The following SSR1 variants were observed in gnomAD, a reference collection of about 807,000 sequenced individuals.
The protein encoded by SSR1 is signal sequence receptor subunit 1, also known as translocon-associated protein subunit alpha.
In SSR1, 13 loss-of-function variants were observed where a neutral mutation model predicts 36.1. The observed-to-expected ratio is 0.36, with a 90% CI of 0.23 to 0.57. The LOEUF is 0.57. Among genes scored for constraint, SSR1 ranks in the 20% least tolerant of loss-of-function variants. SSR1 has a pLI of 0.81. For synonymous variants in SSR1, 113 were observed against 118.9 expected (o/e 0.95, Z 0.32); for missense variants, 291 against 338.5 (o/e 0.86, Z 1.10).
At position 7,313,196 on chromosome 6, in the gene SSR1, A is replaced by C; in HGVS notation, c.-76T>G. ...TCCGGCGGTAATGGCGTTACTCTTC[A>C]TCCGGGCTCCGGGCAGCGAGGGGCG... On this transcript the variant is annotated 5_prime_UTR_variant, in exon 1 of 8. An upstream start codon of the reference 5' UTR is lost. Coordinates refer to ENST00000244763, the MANE Select transcript of SSR1 (RefSeq NM_003144.5). 1 of 1,392,596 alleles carries C rather than the reference A, an allele frequency of 7.2e-7. No individual in the cohort carries two copies. Among genetic ancestry groups the C allele is most frequent in the Non-Finnish European group, 9.8e-7 (1 of 1,024,660 alleles). 86.3% of individuals were successfully genotyped at this position (1,392,596 alleles called of 1,614,324 possible).
intron 2 of SSR1, among the ~76,000 whole-genome samples, chr6:7,306,766 A>G (rs1758069420): frequency 6.6e-6 from 1 of 151,836 alleles, no homozygotes; most frequent in Admixed American, 6.5e-5. Context: ...AATACAAAAA[A>G]TTAGCCGGGT....
Position 7,309,958 on chromosome 6 carries a change from C to T in SSR1, c.151G>A (p.Asp51Asn), listed in dbSNP as rs1464521670. The T allele has an allele frequency of 3.7e-6, 6 of 1,614,008 alleles. No homozygotes were observed. Among genetic ancestry groups the T allele is most frequent in the African/African-American group, 1.3e-5 (1 of 75,044 alleles). The part of the protein sequence containing the change: ...TVEDSIIEDE[D>N]DEAEVEEDEP... ...TCTTCTTCTACCTCGGCTTCATCATCTTCATCCTCAATTATGGAATCTTCT... is the reference window on the plus strand; with the variant it reads ...TCTTCTTCTACCTCGGCTTCATCATTTTCATCCTCAATTATGGAATCTTCT... Residue 51 changes from aspartate to asparagine, a missense_variant, in exon 2 of 8, where the codon GAT (aspartate) becomes AAT (asparagine). Asp to Asn is a conservative substitution (Grantham distance 23). Coordinates refer to ENST00000244763, the MANE Select transcript of SSR1 (RefSeq NM_003144.5).
In SSR1 at chr6:7,287,729, G is replaced by C. The variant is rs1405144899; in HGVS notation, c.*2135C>G. The C allele has an allele frequency of 6.6e-6, 1 of 152,546 alleles. No individual in the cohort carries two copies. Among genetic ancestry groups the C allele is most frequent in the African/African-American group, 2.4e-5 (1 of 41,444 alleles). 9.4% of individuals were successfully genotyped at this position (152,546 alleles called of 1,614,324 possible). On this transcript the variant is annotated 3_prime_UTR_variant, in exon 8 of 8. Transcript: ENST00000244763. ...TAGCAAATGAATATATCAAAACAAA[G>C]AAAAACTTCATCCAAATATTTACAT...
chr6:7,307,736 A>G (rs1223601975), intron 2 of SSR1, among the ~76,000 whole-genome samples: 2 of 152,176 alleles, frequency 1.3e-5, no homozygotes, highest in Admixed American at 1.3e-4. Flanking sequence ...TATTTTGGCC[A>G]GGCGGTCTCA....
At chr6:7,301,063 T>C (rs1757922696) in intron 4 of SSR1, among the ~76,000 whole-genome samples, 5 of 152,136 alleles carry the variant, frequency 3.3e-5, no homozygotes, top group Admixed American at 3.3e-4. Context: ...TCCCACACAA[T>C]AGCACCTTAT....
intron 7 of SSR1, among the ~76,000 whole-genome samples, chr6:7,290,812 GA>G (rs945095515): frequency 1.4e-4 from 21 of 149,180 alleles, no homozygotes; most frequent in African/African-American, 3.4e-4. Flanking sequence ...TCATAAAATG[GA>G]AAAAAAAAAT....
intron 4 of SSR1, among the ~76,000 whole-genome samples, chr6:7,299,373 T>C (rs1458477296): frequency 6.6e-6 from 1 of 152,098 alleles, no homozygotes; most frequent in Admixed American, 6.6e-5. Context: ...TTTTAAGAAC[T>C]AGATCGGAAC....
intron 7 of SSR1, among the ~76,000 whole-genome samples, chr6:7,290,635 TG>T (rs953971081): frequency 1.3e-5 from 2 of 152,232 alleles, no homozygotes; most frequent in African/African-American, 4.8e-5. Context: ...TAATTGTTTT[TG>T]TATTGATTTT....
chr6:7,289,522 T>C lies in SSR1; in HGVS notation c.*342A>G, dbSNP rs1409469520. ...ATTAACTGAGTTTTGGGGGAAAAAA[T>C]CAGAAAATGTCAAAAAGGAAGAGAC... On this transcript the variant is annotated 3_prime_UTR_variant, in exon 8 of 8. Coordinates refer to ENST00000244763, the MANE Select transcript of SSR1 (RefSeq NM_003144.5). 1.3e-5 allele frequency: 3 copies of C among 239,548 alleles called. No homozygotes were observed. Among genetic ancestry groups the C allele is most frequent in the African/African-American group, 6.9e-5 (3 of 43,292 alleles). The allele number at this position is 239,548 out of a possible 1,614,324, so 14.8% of individuals were successfully genotyped here.
intron 6 of SSR1, among the ~76,000 whole-genome samples, chr6:7,296,644 T>TGGAGGGAAGGAAAGGAGGAGGGTGAG (rs1757801124): frequency 6.7e-6 from 1 of 150,286 alleles, no homozygotes; most frequent in African/African-American, 2.5e-5. Context: ...TTTTGTAGGC[T>TGGAGGGAAGGAAAGGAGGAGGGTGAG]GGAGGGAAGG....
chr6:7,281,790 T>G lies in SSR1; in HGVS notation c.*8074A>C, dbSNP rs971087083. On this transcript the variant is annotated 3_prime_UTR_variant, in exon 8 of 8. Coordinates refer to ENST00000244763, the MANE Select transcript of SSR1 (RefSeq NM_003144.5). Reference sequence around the variant, plus strand: ...AGATTTATGGAGAGAAGCAAGCACCTGTGATTTGTTGGTTTGGCGTTACAA... The same window carrying G: ...AGATTTATGGAGAGAAGCAAGCACCGGTGATTTGTTGGTTTGGCGTTACAA... The G allele has an allele frequency of 6.6e-6, 1 of 152,222 alleles. No individual in the cohort carries two copies. Among genetic ancestry groups the G allele is most frequent in the Non-Finnish European group, 1.5e-5 (1 of 68,040 alleles). The allele number at this position is 152,222 out of a possible 1,614,324, so 9.4% of individuals were successfully genotyped here.
At chr6:7,292,979 T>C (rs1757715939) in intron 7 of SSR1, among the ~76,000 whole-genome samples, 1 of 152,174 alleles carries the variant, frequency 6.6e-6, no homozygotes, top group Non-Finnish European at 1.5e-5. Context: ...GAACAGCCAA[T>C]TCACAGGAAA....
intron 6 of SSR1, among the ~76,000 whole-genome samples, chr6:7,296,271 C>T (rs1479864421): frequency 2.0e-5 from 3 of 151,584 alleles, no homozygotes; most frequent in Non-Finnish European, 2.9e-5. Flanking sequence ...TTATATAATC[C>T]GTAAGTTAGA....
chr6:7,297,446 C>T (rs75102868), intron 6 of SSR1, among the ~76,000 whole-genome samples: 1,825 of 152,144 alleles, frequency 0.012, 32 homozygotes, highest in African/African-American at 0.036. Context: ...CTAAATGAGG[C>T]CAGGTGCAGT....
chr6:7,284,154 T>C lies in SSR1; in HGVS notation c.*5710A>G, dbSNP rs1410375339. 1 of 152,210 alleles carries C rather than the reference T, an allele frequency of 6.6e-6. No individual in the cohort carries two copies. Among genetic ancestry groups the C allele is most frequent in the Non-Finnish European group, 1.5e-5 (1 of 68,036 alleles). 9.4% of individuals were successfully genotyped at this position (152,210 alleles called of 1,614,324 possible). A position where few individuals can be genotyped will look rare whatever the true frequency, so the allele number is the denominator to read the frequency against. ...CTGTTCAGAAATAGACTAATTTTCT[T>C]TGGGTGGTTCAGTCTGATGCTGAAA... On this transcript the variant is annotated 3_prime_UTR_variant, in exon 8 of 8. Coordinates refer to ENST00000244763, the MANE Select transcript of SSR1 (RefSeq NM_003144.5).
At chr6:7,303,452 CAAT>C in intron 3 of SSR1, 95 bp downstream of exon 3, 1 of 773,402 alleles carries the variant, frequency 1.3e-6, no homozygotes, top group African/African-American at 1.7e-5. Context: ...TAAATGCCAA[CAAT>C]ATTACTTTAC....
In SSR1 at chr6:7,289,970, A is replaced by T. The variant is rs566961891; in HGVS notation, c.794-39T>A. On this transcript the variant is annotated intron_variant, in intron 7 of 7. Coordinates refer to ENST00000244763, the MANE Select transcript of SSR1 (RefSeq NM_003144.5). ...GAAAGTTTTAAGCTTGCCTATTATAAGTATATTGAATTCAAAAGACATGTT... is the reference window on the plus strand; with the variant it reads ...GAAAGTTTTAAGCTTGCCTATTATATGTATATTGAATTCAAAAGACATGTT... 728 of 1,494,730 alleles carry T rather than the reference A, an allele frequency of 4.9e-4. 8 individuals carry two copies. The South Asian group carries it at 9.7e-3, about 20-fold the overall frequency. 92.6% of individuals were successfully genotyped at this position (1,494,730 alleles called of 1,614,324 possible). A position where few individuals can be genotyped will look rare whatever the true frequency, so the allele number is the denominator to read the frequency against.
intron 1 of SSR1, among the ~76,000 whole-genome samples, chr6:7,310,606 C>A (rs934842511): frequency 6.6e-6 from 1 of 152,194 alleles, no homozygotes; most frequent in African/African-American, 2.4e-5. Context: ...ACAACCCCCA[C>A]GTTTAAAAGA....
intron 4 of SSR1, among the ~76,000 whole-genome samples, chr6:7,299,376 A>T (rs753086260): frequency 1.3e-5 from 2 of 152,196 alleles, no homozygotes; most frequent in Non-Finnish European, 2.9e-5. Context: ...TAAGAACTAG[A>T]TCGGAACAAA....
Sources: allele counts gnomAD v4.1 joint callset (sites outside exome capture counted in the v4.1 genomes callset), GRCh38; gene constraint gnomAD v4.1.1; transcripts MANE v1.5; gene names NCBI Gene and HGNC (gene_info 2026-07-23, HGNC 2026-07-21).